KCNMB2: variants seen among roughly 807,000 people sequenced by gnomAD.
KCNMB2 encodes potassium calcium-activated channel subfamily M regulatory beta subunit 2, also known as calcium-activated potassium channel subunit beta-2.
KCNMB2 carries 9 observed loss-of-function variants against 24.5 expected under a neutral mutation model. The observed-to-expected ratio is 0.37, with a 90% CI of 0.22 to 0.64. The LOEUF (loss-of-function observed/expected upper bound fraction) is 0.64. Ranked by LOEUF, KCNMB2 falls within the 30% of genes least tolerant of loss-of-function variation. KCNMB2 has a pLI of 0.63. For missense variants in KCNMB2, 226 were observed against 284.3 expected (o/e 0.79, Z 1.47); for synonymous variants, 109 against 104.4 (o/e 1.04, Z -0.27).
At chr3:178,711,968 C>T (rs1248663484) in intron 1 of KCNMB2, among the ~76,000 whole-genome samples, 1 of 152,180 alleles carries the variant, frequency 6.6e-6, no homozygotes, top group African/African-American at 2.4e-5. Flanking sequence ...TGACATGCAA[C>T]AAATGTTGGC....
chr3:178,840,675 C>T (rs933699386), intron 4 of KCNMB2, among the ~76,000 whole-genome samples: 1 of 152,236 alleles, frequency 6.6e-6, no homozygotes, highest in East Asian at 1.9e-4. Flanking sequence ...GAAGCAATGG[C>T]CTGAGCTGTA....
Position 178,551,189 on chromosome 3 carries a change from C to T in KCNMB2, c.-68+14478C>T, listed in dbSNP as rs568189009. On this transcript the variant is annotated intron_variant, in intron 1 of 4. Transcript: ENST00000452583. ...TGAGGATGAAGGAACAGTACAGATG[C>T]TTTTTCTTCCCAGAGGCTGGCTGTG... 7.9e-5 allele frequency among the ~76,000 whole-genome samples: 12 copies of T among 152,260 alleles called. No homozygotes were observed. The South Asian group carries it at 2.3e-3, about 29-fold the overall frequency.
chr3:178,586,186 T>G (rs1489167462), intron 1 of KCNMB2, among the ~76,000 whole-genome samples: 1 of 152,190 alleles, frequency 6.6e-6, no homozygotes, highest in Non-Finnish European at 1.5e-5. Context: ...AAGTTTAGGA[T>G]GGAGGATTTG....
chr3:178,772,113 A>G (rs1262942485), intron 1 of KCNMB2, among the ~76,000 whole-genome samples: 1 of 152,090 alleles, frequency 6.6e-6, no homozygotes, highest in Non-Finnish European at 1.5e-5. Context: ...CCTCCCACGT[A>G]TCTTCTTCCC....
At chr3:178,819,158 C>T (rs1334525248) in intron 2 of KCNMB2, among the ~76,000 whole-genome samples, 1 of 152,118 alleles carries the variant, frequency 6.6e-6, no homozygotes, top group Non-Finnish European at 1.5e-5. Flanking sequence ...CTTCTACCAT[C>T]GATCCACTGA....
intron 1 of KCNMB2, among the ~76,000 whole-genome samples, chr3:178,555,658 G>T (rs1716099800): frequency 6.6e-6 from 1 of 152,184 alleles, no homozygotes; most frequent in Non-Finnish European, 1.5e-5. Flanking sequence ...GTGGGGAGGA[G>T]GCCCAGGGTG....
rs5854804 is a variant in KCNMB2, at chr3:178,568,773, T to TGATAGATA, written c.-68+32099_-68+32106dup. On this transcript the variant is annotated intron_variant, in intron 1 of 4. Coordinates refer to ENST00000452583, the MANE Select transcript of KCNMB2 (RefSeq NM_181361.3). ...GATAGATAGATGATAGATAGATAGA[T>TGATAGATA]GATAGATAGATAGATAGATAGATAG... Among the ~76,000 whole-genome samples, 216 of 116,052 alleles carry TGATAGATA rather than the reference T, an allele frequency of 1.9e-3. 3 individuals are homozygous for TGATAGATA. The highest frequency in any genetic ancestry group is 6.2e-3 in the South Asian group (20 of 3,210). 76.1% of individuals were successfully genotyped at this position (116,052 alleles called of 152,430 possible).
intron 1 of KCNMB2, among the ~76,000 whole-genome samples, chr3:178,788,754 T>C (rs1713205291): frequency 1.3e-5 from 2 of 152,236 alleles, no homozygotes; most frequent in South Asian, 4.1e-4. Context: ...ATAGAAGTGA[T>C]GCAATGCAAA....
At chr3:178,717,752 G>C (rs961130240) in intron 1 of KCNMB2, among the ~76,000 whole-genome samples, 2 of 152,112 alleles carry the variant, frequency 1.3e-5, no homozygotes, top group Non-Finnish European at 2.9e-5. Flanking sequence ...CACTCTACTA[G>C]AGTAGTCTAA....
intron 1 of KCNMB2, among the ~76,000 whole-genome samples, chr3:178,572,148 C>G (rs902359969): frequency 3.3e-5 from 5 of 152,184 alleles, no homozygotes; most frequent in Admixed American, 2.6e-4. Flanking sequence ...GGTAGCTGCA[C>G]AGCATATACA....
intron 1 of KCNMB2, among the ~76,000 whole-genome samples, chr3:178,745,804 A>G (rs1422521496): frequency 6.6e-6 from 1 of 152,208 alleles, no homozygotes; most frequent in Non-Finnish European, 1.5e-5. Context: ...AGGGCAATCA[A>G]ATCTTAAAGT....
chr3:178,637,316 C>T (rs1003709031), intron 1 of KCNMB2, among the ~76,000 whole-genome samples: 34 of 152,264 alleles, frequency 2.2e-4, no homozygotes, highest in African/African-American at 8.2e-4. Flanking sequence ...TTTACACTCC[C>T]ACTAACATTG....
rs546982956 is a variant in KCNMB2, at chr3:178,623,326, A to C, written c.-68+86615A>C. On this transcript the variant is annotated intron_variant, in intron 1 of 4. Coordinates refer to ENST00000452583, the MANE Select transcript of KCNMB2 (RefSeq NM_181361.3). ...TGTTTGATTAACAAAATTAGCTAAAAGAAATGTTTGAAGCATTAATTTAGT... is the reference window on the plus strand; with the variant it reads ...TGTTTGATTAACAAAATTAGCTAAACGAAATGTTTGAAGCATTAATTTAGT... Among the ~76,000 whole-genome samples, 5 of 152,350 alleles carry C rather than the reference A, an allele frequency of 3.3e-5. No individual in the cohort carries two copies. In the East Asian group the frequency reaches 7.7e-4, roughly 24 times the overall value.
chr3:178,614,275 A>ATATATATATATATATATG (rs1718611780), intron 1 of KCNMB2, among the ~76,000 whole-genome samples: 4 of 66,812 alleles, frequency 6.0e-5, no homozygotes, highest in African/African-American at 2.2e-4. Flanking sequence ...ATATATATAT[A>ATATATATATATATATATG]TATATATATA....
intron 1 of KCNMB2, among the ~76,000 whole-genome samples, chr3:178,803,586 G>T (rs989008112): frequency 1.1e-4 from 16 of 152,160 alleles, no homozygotes; most frequent in Non-Finnish European, 1.0e-4. Flanking sequence ...TGCTGTAAGG[G>T]TGCATGAGAC....
At chr3:178,679,837 C>T (rs909774771) in intron 1 of KCNMB2, among the ~76,000 whole-genome samples, 3 of 152,054 alleles carry the variant, frequency 2.0e-5, no homozygotes, top group African/African-American at 7.2e-5. Flanking sequence ...TCCAGAGTGC[C>T]TATCATTTGA....
At chr3:178,614,503 A>C (rs1409554217) in intron 1 of KCNMB2, among the ~76,000 whole-genome samples, 1 of 151,250 alleles carries the variant, frequency 6.6e-6, no homozygotes, top group Non-Finnish European at 1.5e-5. Flanking sequence ...ATATCTCATG[A>C]GACTTATTCA....
intron 1 of KCNMB2, among the ~76,000 whole-genome samples, chr3:178,602,631 G>A (rs1286217556): frequency 6.6e-6 from 1 of 152,034 alleles, no homozygotes; most frequent in Non-Finnish European, 1.5e-5. Context: ...CCAGCCAGGT[G>A]GAAAGGAAGA....
At chr3:178,685,547 AT>A (rs1721436390) in intron 1 of KCNMB2, among the ~76,000 whole-genome samples, 1 of 152,248 alleles carries the variant, frequency 6.6e-6, no homozygotes, top group Non-Finnish European at 1.5e-5. Flanking sequence ...CATCAGCCAC[AT>A]CAACAGTGGT....
Sources: gnomAD v4.1 joint callset for allele counts (sites outside exome capture counted in the v4.1 genomes callset) on GRCh38, gnomAD v4.1.1 for gene constraint, MANE v1.5 for transcripts, NCBI Gene and HGNC (gene_info 2026-07-23, HGNC 2026-07-21) for gene names.